AKAP9: variants seen among roughly 807,000 people sequenced by gnomAD.
AKAP9 encodes A-kinase anchor protein 9.
AKAP9 carries 311 observed loss-of-function variants against 488.5 expected under a neutral mutation model. The observed-to-expected ratio is 0.64, with a 90% CI of 0.58 to 0.70. The LOEUF is 0.70. AKAP9 is among the 30% of genes least tolerant of loss of function. The pLI is 0.00. For missense variants in AKAP9, 4,215 were observed against 4,374.5 expected, an observed-to-expected ratio of 0.96 and a Z score of 1.03; for synonymous variants, 1,462 against 1,483.5, an observed-to-expected ratio of 0.99 and a Z score of 0.33.
chr7:92,064,377 A>G (rs1258361775), intron 24 of AKAP9, among the ~76,000 whole-genome samples: 1 of 151,952 alleles, frequency 6.6e-6, no homozygotes, highest in East Asian at 1.9e-4. Context: ...TTTTATTTTT[A>G]CTATATACAC....
chr7:92,012,620 G>A lies in AKAP9; in HGVS notation c.3510G>A (p.Gln1170=). 1 of 1,611,766 alleles carries A rather than the reference G, an allele frequency of 6.2e-7. No homozygotes were observed. Among genetic ancestry groups the A allele is most frequent in the African/African-American group, 1.3e-5 (1 of 74,956 alleles). The change falls in exon 9 of 50, where the codon CAG becomes CAA. Residue 1170 remains glutamine (Q), a synonymous_variant. Coordinates refer to ENST00000356239, the MANE Select transcript of AKAP9 (RefSeq NM_005751.5). ...ELQKIHQLEL[Q]TMKTQETGDE... ...AGAAAATACACCAGTTAGAACTACA[G>A]ACTATGAAAACACAAGAAACAGGTA...
At chr7:92,058,188 AT>A (rs539680958) in intron 22 of AKAP9, 98 of 593,576 alleles carry the variant, frequency 1.7e-4, no homozygotes, top group African/African-American at 1.6e-3. Flanking sequence ...TATAGCACCT[AT>A]TTGGCAACTG....
At chr7:91,981,797 G>A (rs1014328057) in intron 3 of AKAP9, among the ~76,000 whole-genome samples, 1 of 151,556 alleles carries the variant, frequency 6.6e-6, no homozygotes, top group Non-Finnish European at 1.5e-5. Flanking sequence ...GTAGAGACGG[G>A]GTTTCACCAT....
intron 1 of AKAP9, among the ~76,000 whole-genome samples, chr7:91,953,283 G>A (rs1792505359): frequency 6.6e-6 from 1 of 152,136 alleles, no homozygotes; most frequent in Non-Finnish European, 1.5e-5. Flanking sequence ...TGTTGACCTA[G>A]GCAAGATTGT....
At chr7:92,101,385 C>T (rs570950705) in intron 45 of AKAP9, among the ~76,000 whole-genome samples, 20 of 151,198 alleles carry the variant, frequency 1.3e-4, no homozygotes, top group Non-Finnish European at 2.2e-4. Flanking sequence ...TGCAGTGAGC[C>T]GAGATCGCGC....
intron 1 of AKAP9, among the ~76,000 whole-genome samples, chr7:91,948,353 A>G (rs535631168): frequency 4.6e-5 from 7 of 152,170 alleles, no homozygotes; most frequent in Non-Finnish European, 1.0e-4. Flanking sequence ...GGAACTGCCA[A>G]ACTGTTTCCA....
rs1799332599 is a variant in AKAP9, at chr7:92,002,812, A to G, written c.2895A>G (p.Gln965=). 1.2e-6 allele frequency: 2 copies of G among 1,613,726 alleles called. No homozygotes were observed. Among genetic ancestry groups the G allele is most frequent in the Non-Finnish European group, 1.7e-6 (2 of 1,179,712 alleles). The change falls in exon 8 of 50, where the codon CAA becomes CAG. Residue 965 remains glutamine, a synonymous_variant. Coordinates refer to ENST00000356239, the MANE Select transcript of AKAP9 (RefSeq NM_005751.5). The part of the protein sequence containing the change: ...LSQRLSDLSE[Q]LKQKHGEISF... The stretch of plus-strand genomic sequence containing the variant: ...AGAGACTGTCTGATCTTTCTGAACA[A>G]TTGAAACAGAAACATGGTGAGATTA...
Position 92,070,081 on chromosome 7 carries a change from C to A in AKAP9, c.6382C>A (p.Leu2128Ile), listed in dbSNP as rs878854808. 6.2e-7 allele frequency: 1 copy of A among 1,613,782 alleles called. No homozygotes were observed. The highest frequency in any genetic ancestry group is 8.5e-7 in the Non-Finnish European group (1 of 1,179,912). ...LKEKTDKCSELLLSKEQLQRD... is the reference protein window; with the variant it reads ...LKEKTDKCSEILLSKEQLQRD... ...AGAAAAAACAGACAAATGCAGTGAG[C>A]TTTTGCTCTCTAAAGAGCAGCTTCA... Residue 2128 changes from leucine to isoleucine, a missense_variant, in exon 27 of 50, where the codon CTT (leucine) becomes ATT (isoleucine). Around this residue, in one of 5 missense-constraint regions of AKAP9, gnomAD observed 2,361 missense variants for 2,430.0 expected, o/e 0.97. Coordinates refer to ENST00000356239, the MANE Select transcript of AKAP9 (RefSeq NM_005751.5).
At chr7:92,099,647 A>C in intron 43 of AKAP9, 40 bp from the exon 44 acceptor site, 1 of 1,597,896 alleles carries the variant, frequency 6.3e-7, no homozygotes, top group Non-Finnish European at 8.6e-7. Context: ...ATTCACATCC[A>C]TTTGTGCTTA....
chr7:92,053,479 A>G (rs1027744974), intron 22 of AKAP9, among the ~76,000 whole-genome samples: 6 of 152,208 alleles, frequency 3.9e-5, no homozygotes, highest in African/African-American at 1.4e-4. Context: ...AAACTTCTCC[A>G]AAATTTGTTA....
At chr7:92,077,975 C>A in intron 30 of AKAP9, 100 bp downstream of exon 30, 2 of 771,512 alleles carry the variant, frequency 2.6e-6, no homozygotes, top group Non-Finnish European at 1.9e-6. Context: ...AAAAACAAAC[C>A]AATTTTATTT....
intron 12 of AKAP9, among the ~76,000 whole-genome samples, chr7:92,021,835 T>C (rs1282311375): frequency 6.6e-6 from 1 of 152,216 alleles, no homozygotes; most frequent in African/African-American, 2.4e-5. Flanking sequence ...TGGTTGTACA[T>C]AGGATATATC....
intron 13 of AKAP9, 31 bp downstream of exon 13, chr7:92,022,383 G>A: frequency 7.1e-7 from 1 of 1,406,312 alleles, no homozygotes; most frequent in Non-Finnish European, 1.0e-6. Flanking sequence ...ACAATGTGGT[G>A]TTTTTATAGC....
At chr7:91,957,883 A>G (rs1793236426) in intron 1 of AKAP9, among the ~76,000 whole-genome samples, 1 of 152,192 alleles carries the variant, frequency 6.6e-6, no homozygotes, top group South Asian at 2.1e-4. Context: ...TTCCATAATA[A>G]AACTATTTTC....
At chr7:92,105,906 C>A in intron 47 of AKAP9, 143 bp downstream of exon 47, 1 of 741,434 alleles carries the variant, frequency 1.3e-6, no homozygotes, top group South Asian at 1.5e-5. Flanking sequence ...CATTACTGCC[C>A]GAGCTCCACC....
chr7:91,994,436 A>T (rs1798142509), intron 5 of AKAP9, among the ~76,000 whole-genome samples, 185 bp from the exon 6 acceptor site: 1 of 152,210 alleles, frequency 6.6e-6, no homozygotes, highest in African/African-American at 2.4e-5. Context: ...CTTAGTTCAG[A>T]TAAATTTTTT....
At position 91,995,739 on chromosome 7, in the gene AKAP9, A is replaced by C. The variant is rs752014250; in HGVS notation, c.869A>C (p.Lys290Thr). The C allele has an allele frequency of 6.2e-7, 1 of 1,613,370 alleles. No homozygotes were observed. Among genetic ancestry groups the C allele is most frequent in the South Asian group, 1.1e-5 (1 of 91,052 alleles). The change falls in exon 7 of 50, where the codon AAG (lysine) becomes ACG (threonine). Residue 290 changes from lysine to threonine, a missense_variant. Transcript: ENST00000356239. ...QDHLLEDYQK[K>T]KEDFTMQISF... ...CACTTATTAGAAGATTATCAGAAAA[A>C]GAAAGAAGACTTCACAATGCAAATT...
In AKAP9 at chr7:92,079,582, C is replaced by T. The variant is rs1467038955; in HGVS notation, c.7449C>T (p.Phe2483=). Residue 2483 remains phenylalanine, a synonymous_variant, in exon 31 of 50, where the codon TTC becomes TTT. Coordinates refer to ENST00000356239, the MANE Select transcript of AKAP9 (RefSeq NM_005751.5). ...ALKSLENQTY[F]KSFEENGKGS... ...AATCCCTAGAAAATCAGACATACTT[C>T]AAATCTTTTGAAGAAAATGGCAAAG... is the stretch of plus-strand genomic sequence containing the variant. 1 of 1,613,732 alleles carries T rather than the reference C, an allele frequency of 6.2e-7. No homozygotes were observed. Among genetic ancestry groups the T allele is most frequent in the South Asian group, 1.1e-5 (1 of 91,050 alleles).
At chr7:92,104,591 C>T (rs1476011433) in intron 46 of AKAP9, among the ~76,000 whole-genome samples, 6 of 152,122 alleles carry the variant, frequency 3.9e-5, no homozygotes, top group African/African-American at 1.2e-4. Flanking sequence ...AGGCAGGGAG[C>T]GGTTACAAAG....
Sources: gnomAD v4.1 joint callset for allele counts (sites outside exome capture counted in the v4.1 genomes callset) on GRCh38, gnomAD v4.1.1 for gene constraint, gnomAD v4.1.1 regional missense constraint, MANE v1.5 for transcripts, NCBI Gene and HGNC (gene_info 2026-07-23, HGNC 2026-07-21) for gene names.